Variants in CACNA1G observed in about 807,000 individuals in gnomAD.
CACNA1G encodes calcium voltage-gated channel subunit alpha1 G.
CACNA1G carries 67 observed loss-of-function variants against 219.4 expected under a neutral mutation model. The observed-to-expected ratio is 0.31, with a 90% CI of 0.25 to 0.37. CACNA1G has a LOEUF of 0.37. Ranked by LOEUF, CACNA1G falls within the 10% of genes least tolerant of loss-of-function variation. The pLI is 1.00. For synonymous variants in CACNA1G, 1,296 were observed against 1,345.3 expected, an observed-to-expected ratio of 0.96 and a Z score of 0.80; for missense variants, 2,380 against 3,231.4, an observed-to-expected ratio of 0.74 and a Z score of 6.39.
At position 50,616,400 on chromosome 17, in the gene CACNA1G, G is replaced by C. The variant is rs1339823274; in HGVS notation, c.5021+16G>C. Reference sequence around the variant, plus strand: ...TCCAGGACAGGTAACGGAGAAAAGGGGGGTCTTGGGGACTTGCGTAGAGAT... The same window carrying C: ...TCCAGGACAGGTAACGGAGAAAAGGCGGGTCTTGGGGACTTGCGTAGAGAT... On this transcript the variant is annotated intron_variant, in intron 28 of 37. Coordinates refer to ENST00000359106, the MANE Select transcript of CACNA1G (RefSeq NM_018896.5). 13 of 1,447,044 alleles carry C rather than the reference G, an allele frequency of 9.0e-6. No homozygotes were observed. The highest frequency in any genetic ancestry group is 1.7e-4 in the Middle Eastern group (1 of 5,776). 89.6% of individuals were successfully genotyped at this position (1,447,044 alleles called of 1,614,324 possible). A position where few individuals can be genotyped will look rare whatever the true frequency, so the allele number is the denominator to read the frequency against.
At chr17:50,592,476 G>A (rs1214269633) in intron 13 of CACNA1G, among the ~76,000 whole-genome samples, 2 of 152,158 alleles carry the variant, frequency 1.3e-5, no homozygotes, top group Non-Finnish European at 2.9e-5. Flanking sequence ...GGGTGCAGGA[G>A]GCTTGTGTGC....
chr17:50,601,291 G>A, intron 19 of CACNA1G, 117 bp downstream of exon 19: 1 of 1,267,302 alleles, frequency 7.9e-7, no homozygotes, highest in South Asian at 1.4e-5. Context: ...GGGAACGAGG[G>A]GGCCAGGACT....
chr17:50,577,510 T>C (rs1359694343), intron 8 of CACNA1G, among the ~76,000 whole-genome samples: 20 of 150,392 alleles, frequency 1.3e-4, no homozygotes, highest in Admixed American at 1.3e-3. Flanking sequence ...TGTGCGTGTG[T>C]GCATGCACGT....
At chr17:50,604,615 C>G (rs892106367) in intron 22 of CACNA1G, among the ~76,000 whole-genome samples, 2 of 152,228 alleles carry the variant, frequency 1.3e-5, no homozygotes, top group African/African-American at 2.4e-5. Flanking sequence ...CTTCCCGGCT[C>G]GAGCACAGTG....
chr17:50,587,625 C>T (rs2412330), intron 9 of CACNA1G, among the ~76,000 whole-genome samples: 68,832 of 152,102 alleles, frequency 0.45, 16,595 homozygotes, highest in East Asian at 0.89. Flanking sequence ...TGGCATTTAC[C>T]CTAAGTGTTG....
chr17:50,602,934 G>T (rs747148227), intron 20 of CACNA1G, 46 bp downstream of exon 20: 18 of 1,612,548 alleles, frequency 1.1e-5, no homozygotes, highest in Non-Finnish European at 1.4e-5. Flanking sequence ...TCCTGGTGGG[G>T]GTGGAGACAG....
At chr17:50,624,157 G>A (rs2053002820) in intron 36 of CACNA1G, 82 bp downstream of exon 36, 1 of 1,512,214 alleles carries the variant, frequency 6.6e-7, no homozygotes, top group Admixed American at 1.8e-5. Flanking sequence ...TGAGGGGATG[G>A]GGAACTGAGG....
rs770082668 is a variant in CACNA1G at position 50,618,747 on chromosome 17, C to T, written c.5520C>T (p.Phe1840=). The T allele has an allele frequency of 7.4e-6, 12 of 1,613,974 alleles. No individual in the cohort carries two copies. The highest frequency in any genetic ancestry group is 1.6e-4 in the Middle Eastern group (1 of 6,062). The change falls in exon 33 of 38, where the codon TTC becomes TTT. Residue 1840 remains phenylalanine (F), a synonymous_variant. Coordinates refer to ENST00000359106, the MANE Select transcript of CACNA1G (RefSeq NM_018896.5). The surrounding 1 kb of genome is among the most constrained non-coding windows in gnomAD (Gnocchi z 5.3). ...TGTCCTTCGTGCTGACGGCCCAGTT[C>T]GTGCTAGTCAACGTGGTGATCGCCG... The part of the protein sequence containing the change: ...YFVSFVLTAQ[F]VLVNVVIAVL...
chr17:50,564,585 C>A (rs976696034), intron 1 of CACNA1G, among the ~76,000 whole-genome samples: 3 of 151,546 alleles, frequency 2.0e-5, no homozygotes, highest in African/African-American at 7.3e-5. Context: ...AGTGACTGTG[C>A]GTCACTCTGT....
chr17:50,574,528 CA>C lies in CACNA1G; in HGVS notation c.1141-1014del, dbSNP rs1386706936. ...TGGCCACCACCTCAAGGGGTGAGGC[CA>C]GTGCTTCAGGGAAGTGGGGTCTTCT... On this transcript the variant is annotated intron_variant, in intron 7 of 37. Transcript: ENST00000359106. 1.3e-5 allele frequency among the ~76,000 whole-genome samples: 2 copies of C among 152,158 alleles called. 1 individual carries two copies. Among genetic ancestry groups the C allele is most frequent in the Non-Finnish European group, 2.9e-5 (2 of 68,026 alleles).
Position 50,624,547 on chromosome 17 carries a change from G to A in CACNA1G, c.6399+18G>A, listed in dbSNP as rs1598849689. 1 of 1,562,536 alleles carries A rather than the reference G, an allele frequency of 6.4e-7. No individual in the cohort carries two copies. The highest frequency in any genetic ancestry group is 1.4e-5 in the African/African-American group (1 of 73,674). On this transcript the variant is annotated intron_variant, in intron 37 of 37. Transcript: ENST00000359106. Reference sequence around the variant, plus strand: ...GGCGCCAGGTGAGCAGATGTGGAAAGGCAGGCACAGGCCTGGGGGCTGGAC... The same window carrying A: ...GGCGCCAGGTGAGCAGATGTGGAAAAGCAGGCACAGGCCTGGGGGCTGGAC...
intron 7 of CACNA1G, among the ~76,000 whole-genome samples, chr17:50,574,274 C>T (rs1021296754): frequency 1.3e-5 from 2 of 152,178 alleles, no homozygotes; most frequent in African/African-American, 2.4e-5. Flanking sequence ...GACAGAGGGA[C>T]AGACATTGAG....
chr17:50,579,432 GC>G (rs1312524117), intron 9 of CACNA1G, among the ~76,000 whole-genome samples: 1 of 152,128 alleles, frequency 6.6e-6, no homozygotes, highest in Non-Finnish European at 1.5e-5. Flanking sequence ...AGCTGAAGAT[GC>G]CCGCTTGTTG....
chr17:50,564,521 G>C lies in CACNA1G; in HGVS notation c.242+2820G>C, dbSNP rs191544958. 3.5e-5 allele frequency among the ~76,000 whole-genome samples: 5 copies of C among 144,328 alleles called. No homozygotes were observed. The East Asian group carries it at 1.1e-3, about 33-fold the overall frequency. The allele number at this position is 144,328 out of a possible 152,430, so 94.7% of individuals were successfully genotyped here. On this transcript the variant is annotated intron_variant, in intron 1 of 37. Coordinates refer to ENST00000359106, the MANE Select transcript of CACNA1G (RefSeq NM_018896.5). ...TGCCAGGAGTCGGGGGAGGAGAGGG[G>C]GGGGAGGCCTGAACGGCAGGAGCCC...
chr17:50,626,565 CG>C lies in CACNA1G; in HGVS notation c.6949del (p.Glu2317ArgfsTer47). 6.3e-7 allele frequency: 1 copy of C among 1,594,172 alleles called. No homozygotes were observed. Among genetic ancestry groups the C allele is most frequent in the Non-Finnish European group, 8.5e-7 (1 of 1,171,816 alleles). Reference protein sequence around the residue: ...SPPSITIDPPESQGPRTPPSP... With the variant: ...SPPSITIDPPXSQGPRTPPSP... Reference sequence around the variant, plus strand: ...CGCCTAGTATCACCATAGACCCCCCCGAGAGCCAAGGTCCTCGGACCCCGCC... The same window carrying C: ...CGCCTAGTATCACCATAGACCCCCCCAGAGCCAAGGTCCTCGGACCCCGCC... On this transcript the variant is annotated frameshift_variant, in exon 38 of 38. Coordinates refer to ENST00000359106, the MANE Select transcript of CACNA1G (RefSeq NM_018896.5). LOFTEE classifies it high-confidence loss of function. This position sits in a 1 kb window ranked among gnomAD's most constrained non-coding sequence, Gnocchi z 4.3.
Sources: gnomAD v4.1 joint callset for allele counts (sites outside exome capture counted in the v4.1 genomes callset) on GRCh38, gnomAD v4.1.1 for gene constraint, Gnocchi (gnomAD v3.1) non-coding constraint, MANE v1.5 for transcripts, NCBI Gene and HGNC (gene_info 2026-07-23, HGNC 2026-07-21) for gene names.